Variants in SPECC1 observed in about 807,000 individuals in gnomAD.
The protein encoded by SPECC1 is cytospin-B.
Under a neutral mutation model 104.1 loss-of-function variants are expected in SPECC1, and 62 were observed. The observed-to-expected ratio is 0.60, with a 90% CI of 0.49 to 0.74. SPECC1 has a LOEUF of 0.74. Among genes scored for constraint, SPECC1 ranks in the 30% least tolerant of loss-of-function variants. The probability of loss-of-function intolerance (pLI) is 0.00; values close to 1 mark genes in which losing one functional copy is unlikely to be tolerated. For synonymous variants in SPECC1, 513 were observed against 501.6 expected (o/e 1.02, Z -0.30); for missense variants, 1,306 against 1,310.5 (o/e 1.00, Z 0.05).
intron 4 of SPECC1, among the ~76,000 whole-genome samples, chr17:20,217,780 C>T (rs115842527): frequency 0.013 from 2,038 of 152,220 alleles, 36 homozygotes; most frequent in African/African-American, 0.046. Flanking sequence ...CCAGGCACAG[C>T]AGCTCATGCC....
chr17:20,297,143 C>T lies in SPECC1; in HGVS notation c.3057+66C>T, dbSNP rs951182657. On this transcript the variant is annotated intron_variant, in intron 13 of 14. Transcript: ENST00000395527. ...TGCAGGAGTCCTAATTGATAAACCC[C>T]ACTGTGGGAGGGGGCTTACAGGCCT... 1.8e-5 allele frequency: 26 copies of T among 1,407,806 alleles called. No individual in the cohort carries two copies. The African/African-American group carries it at 3.4e-4, about 18-fold the overall frequency. 87.2% of individuals were successfully genotyped at this position (1,407,806 alleles called of 1,614,324 possible). A position where few individuals can be genotyped will look rare whatever the true frequency, so the allele number is the denominator to read the frequency against.
chr17:20,133,213 G>C (rs1384215297), intron 3 of SPECC1, among the ~76,000 whole-genome samples: 1 of 151,128 alleles, frequency 6.6e-6, no homozygotes, highest in Non-Finnish European at 1.5e-5. Context: ...TGTCTCACTC[G>C]TTTTTCTCTA....
chr17:20,056,473 G>T, intron 1 of SPECC1: 1 of 206,818 alleles, frequency 4.8e-6, no homozygotes. Flanking sequence ...GATGATATGT[G>T]CAGAAAAGAG....
intron 3 of SPECC1, among the ~76,000 whole-genome samples, chr17:20,183,347 C>T (rs2035039745): frequency 6.6e-6 from 1 of 152,104 alleles, no homozygotes; most frequent in African/African-American, 2.4e-5. Flanking sequence ...TTGAGGAATC[C>T]AGGAATTCTG....
intron 3 of SPECC1, among the ~76,000 whole-genome samples, chr17:20,172,428 GGTCTCA>G (rs2034159539): frequency 6.6e-6 from 1 of 152,180 alleles, no homozygotes. Flanking sequence ...AACCATTTCA[GGTCTCA>G]GTCCAGTGTC....
chr17:20,018,096 T>TC (rs2044219574), intron 1 of SPECC1: 2 of 152,460 alleles, frequency 1.3e-5, no homozygotes, highest in Admixed American at 1.3e-4. Flanking sequence ...AGACTGCAGT[T>TC]CCCCAGGTAA....
chr17:20,294,578 A>G (rs2041279393), intron 12 of SPECC1, among the ~76,000 whole-genome samples: 1 of 151,894 alleles, frequency 6.6e-6, no homozygotes, highest in Non-Finnish European at 1.5e-5. Flanking sequence ...TGATGGTGGT[A>G]GTGATGACGG....
intron 2 of SPECC1, among the ~76,000 whole-genome samples, chr17:20,107,101 A>G (rs1271119812): frequency 6.8e-6 from 1 of 146,512 alleles, no homozygotes; most frequent in Non-Finnish European, 1.5e-5. Context: ...CCGAGATCGC[A>G]TCACGGCACT....
chr17:20,173,365 T>G (rs1034155134), intron 3 of SPECC1, among the ~76,000 whole-genome samples: 3 of 152,256 alleles, frequency 2.0e-5, no homozygotes, highest in African/African-American at 7.2e-5. Flanking sequence ...ATGGTTTTAT[T>G]ATCTGTGAGA....
chr17:20,024,650 T>C (rs192745800), intron 1 of SPECC1, among the ~76,000 whole-genome samples: 2 of 152,300 alleles, frequency 1.3e-5, no homozygotes, highest in Admixed American at 1.3e-4. Context: ...TAGTGGGAGA[T>C]TGAAAGGTGG....
At chr17:20,222,922 A>T (rs1388164987) in intron 4 of SPECC1, among the ~76,000 whole-genome samples, 1 of 152,066 alleles carries the variant, frequency 6.6e-6, no homozygotes, top group Admixed American at 6.5e-5. Context: ...TAAGGTTTCC[A>T]CTGAGAAGTC....
intron 1 of SPECC1, chr17:20,017,230 G>C (rs2044174619): frequency 1.3e-5 from 2 of 152,210 alleles, no homozygotes; most frequent in South Asian, 2.1e-4. Flanking sequence ...CTCACTCTTT[G>C]GGTCTGCACT....
chr17:20,208,867 A>G (rs1304547020), intron 4 of SPECC1, among the ~76,000 whole-genome samples: 1 of 152,138 alleles, frequency 6.6e-6, no homozygotes, highest in Non-Finnish European at 1.5e-5. Flanking sequence ...AGTGGCGATT[A>G]TAGCTCACTG....
chr17:20,081,392 CT>C (rs1445203634), intron 1 of SPECC1, among the ~76,000 whole-genome samples: 2 of 152,030 alleles, frequency 1.3e-5, no homozygotes, highest in Admixed American at 1.3e-4. Context: ...CGTTTTGGGC[CT>C]GGTTTTTTTT....
chr17:20,175,047 G>A (rs2034372851), intron 3 of SPECC1, among the ~76,000 whole-genome samples: 1 of 152,192 alleles, frequency 6.6e-6, no homozygotes, highest in African/African-American at 2.4e-5. Context: ...CCCCTGGACA[G>A]CCTGGGGCCG....
chr17:20,253,726 T>G, intron 10 of SPECC1, 140 bp downstream of exon 10: 23 of 746,590 alleles, frequency 3.1e-5, no homozygotes, highest in Non-Finnish European at 4.2e-5. Context: ...ATAATGTACA[T>G]ATCATGAATG....
chr17:20,055,301 A>G lies in SPECC1; in HGVS notation c.-21-41330A>G, dbSNP rs538944301. The stretch of plus-strand genomic sequence containing the variant: ...TAGAGGCTGAATAGTACTCCATGGT[A>G]TGTATATACCACATATTGTCTACCC... On this transcript the variant is annotated intron_variant, in intron 1 of 14. Transcript: ENST00000395527. 1.2e-3 allele frequency among the ~76,000 whole-genome samples: 186 copies of G among 151,576 alleles called. 3 individuals carry two copies. Among genetic ancestry groups the G allele is most frequent in the Admixed American group, 0.012 (185 of 15,228 alleles).
intron 4 of SPECC1, among the ~76,000 whole-genome samples, chr17:20,214,627 C>G (rs1464778100): frequency 6.6e-6 from 1 of 152,250 alleles, no homozygotes; most frequent in Non-Finnish European, 1.5e-5. Flanking sequence ...CCTGCCTCAG[C>G]CTCCTGAGTA....
rs556825854 is a variant in SPECC1, at chr17:20,156,629, A to G, written c.283+46067A>G. Reference sequence around the variant, plus strand: ...TCTCCCTGTCGGCCGCCGGCCCCGCAGTTTGTGGCGCCCGCGGCTCTGCCC... The same window carrying G: ...TCTCCCTGTCGGCCGCCGGCCCCGCGGTTTGTGGCGCCCGCGGCTCTGCCC... On this transcript the variant is annotated intron_variant, in intron 3 of 14. Coordinates refer to ENST00000395527, the MANE Select transcript of SPECC1 (RefSeq NM_001243439.2). Among the ~76,000 whole-genome samples the G allele has an allele frequency of 1.6e-3, 244 of 151,988 alleles. 1 individual carries two copies. Among genetic ancestry groups the G allele is most frequent in the African/African-American group, 5.7e-3 (238 of 41,476 alleles).
Sources: allele counts gnomAD v4.1 joint callset (sites outside exome capture counted in the v4.1 genomes callset), GRCh38; gene constraint gnomAD v4.1.1; transcripts MANE v1.5; gene names NCBI Gene and HGNC (gene_info 2026-07-23, HGNC 2026-07-21).